The following MRPS6 variants were observed in gnomAD, a reference collection of about 807,000 sequenced individuals.
MRPS6 encodes mitochondrial ribosomal protein S6.
In MRPS6, 6 loss-of-function variants were observed where a neutral mutation model predicts 13.1. The ratio of observed to expected loss-of-function variants is 0.46; its 90% confidence interval spans 0.25 to 0.91. MRPS6 has a LOEUF of 0.91. MRPS6 is among the 40% of genes least tolerant of loss of function. MRPS6 has a pLI of 0.18. For synonymous variants in MRPS6, 61 were observed against 56.5 expected (o/e 1.08, Z -0.36); for missense variants, 164 against 155.6 (o/e 1.05, Z -0.29).
chr21:34,116,829 A>G (rs1436619063), intron 1 of MRPS6, among the ~76,000 whole-genome samples: 1 of 152,142 alleles, frequency 6.6e-6, no homozygotes, highest in East Asian at 1.9e-4. Context: ...AGGATGATCA[A>G]AGATCAGTTC....
intron 1 of MRPS6, among the ~76,000 whole-genome samples, chr21:34,114,487 G>A (rs900961605): frequency 2.6e-5 from 4 of 151,382 alleles, no homozygotes; most frequent in Non-Finnish European, 4.4e-5. Context: ...CACCTGGGGA[G>A]CTTTAAAAAA....
chr21:34,140,754 TTTAAGA>T lies in MRPS6; in HGVS notation c.186-1651_186-1646del, dbSNP rs148966044. ...AGCTCGGTTATCTGGTGCATGTATATTTAAGATTGTTACATCTTGGTGGACCCATTA... is the reference window on the plus strand; with the variant it reads ...AGCTCGGTTATCTGGTGCATGTATATTTGTTACATCTTGGTGGACCCATTA... On this transcript the variant is annotated intron_variant, in intron 2 of 2. Transcript: ENST00000399312. Among the ~76,000 whole-genome samples, 347 of 152,354 alleles carry T rather than the reference TTTAAGA, an allele frequency of 2.3e-3. 1 individual carries two copies. The highest frequency in any genetic ancestry group is 4.5e-3 in the Non-Finnish European group (303 of 68,028).
chr21:34,098,747 T>G, intron 1 of MRPS6: 1 of 1,000,212 alleles, frequency 1.0e-6, no homozygotes, highest in Non-Finnish European at 1.2e-6. Context: ...GGCACCCACT[T>G]GCAGCTAGTG....
intron 1 of MRPS6, chr21:34,098,734 C>T: frequency 9.0e-6 from 9 of 1,000,196 alleles, no homozygotes; most frequent in Non-Finnish European, 1.1e-5. Flanking sequence ...CTTGACATGG[C>T]TTGGCACCCA....
chr21:34,100,653 T>G (rs1979194887), intron 1 of MRPS6: 1 of 1,000,118 alleles, frequency 1.0e-6, no homozygotes, highest in South Asian at 4.7e-5. Context: ...AAACTTCACA[T>G]TTTAAGAACT....
intron 2 of MRPS6, 40 bp from the exon 3 acceptor site, chr21:34,142,368 A>C (rs766345496): frequency 6.5e-7 from 1 of 1,536,522 alleles, no homozygotes; most frequent in Admixed American, 2.1e-5. Context: ...AATTATTACA[A>C]TTCAAATGCA....
intron 1 of MRPS6, chr21:34,103,726 C>T (rs533827539): frequency 6.4e-5 from 64 of 999,790 alleles, no homozygotes; most frequent in Admixed American, 1.8e-4. Context: ...CAAGACAATG[C>T]GGTATCTAAA....
At chr21:34,132,466 T>C (rs1980538487) in intron 2 of MRPS6, among the ~76,000 whole-genome samples, 1 of 152,220 alleles carries the variant, frequency 6.6e-6, no homozygotes, top group African/African-American at 2.4e-5. Flanking sequence ...TCATGCCTGG[T>C]GGCAGGAAGT....
At chr21:34,108,547 A>T (rs560910291) in intron 1 of MRPS6, among the ~76,000 whole-genome samples, 2 of 152,212 alleles carry the variant, frequency 1.3e-5, no homozygotes, top group African/African-American at 4.8e-5. Flanking sequence ...AGATGCCTCC[A>T]GTTCTAAACC....
chr21:34,091,578 A>C (rs946761733), intron 1 of MRPS6, among the ~76,000 whole-genome samples: 1 of 152,168 alleles, frequency 6.6e-6, no homozygotes, highest in Non-Finnish European at 1.5e-5. Flanking sequence ...TATTTGGTCA[A>C]ATGCAGCAAA....
At chr21:34,116,567 G>A (rs577453381) in intron 1 of MRPS6, among the ~76,000 whole-genome samples, 3 of 150,096 alleles carry the variant, frequency 2.0e-5, no homozygotes, top group South Asian at 2.1e-4. Flanking sequence ...CATGGGTATG[G>A]TAGTTTGCTT....
intron 1 of MRPS6, chr21:34,102,065 C>A: frequency 2.0e-6 from 2 of 999,858 alleles, no homozygotes; most frequent in Non-Finnish European, 2.4e-6. Context: ...GGTAATCTTT[C>A]GATTGCTAGA....
intron 1 of MRPS6, chr21:34,097,535 C>A: frequency 7.2e-7 from 1 of 1,381,730 alleles, no homozygotes; most frequent in Non-Finnish European, 9.4e-7. Context: ...TAAAGTAAAT[C>A]TTCAACTTAA....
rs73899960 is a variant in MRPS6 at position 34,091,765 on chromosome 21, A to C, written c.45+18020A>C. On this transcript the variant is annotated intron_variant, in intron 1 of 2. Coordinates refer to ENST00000399312, the MANE Select transcript of MRPS6 (RefSeq NM_032476.4). The stretch of plus-strand genomic sequence containing the variant: ...AGGGGAATCTGCTCTGTTTCAAAGC[A>C]CCTTTGTGTTCAAGGTTTGGCTAAA... Among the ~76,000 whole-genome samples, 677 of 152,250 alleles carry C rather than the reference A, an allele frequency of 4.4e-3. 6 individuals carry two copies. The highest frequency in any genetic ancestry group is 0.015 in the African/African-American group (630 of 41,534).
intron 1 of MRPS6, among the ~76,000 whole-genome samples, chr21:34,112,647 A>C (rs191704344): frequency 6.6e-6 from 1 of 152,012 alleles, no homozygotes; most frequent in Non-Finnish European, 1.5e-5. Flanking sequence ...GTATTTGTCT[A>C]TTCTGGACAC....
At chr21:34,103,521 T>TA (rs1375332741) in intron 1 of MRPS6, 5 of 999,794 alleles carry the variant, frequency 5.0e-6, no homozygotes, top group Non-Finnish European at 6.0e-6. Context: ...CGAGAACAGG[T>TA]ACGTGACAAC....
intron 1 of MRPS6, among the ~76,000 whole-genome samples, chr21:34,114,025 A>G (rs1397400940): frequency 6.6e-6 from 1 of 152,112 alleles, no homozygotes; most frequent in Non-Finnish European, 1.5e-5. Flanking sequence ...TGCTCCCACT[A>G]TCCATTTCAC....
Position 34,142,759 on chromosome 21 carries a change from C to A in MRPS6, c.*159C>A. On this transcript the variant is annotated 3_prime_UTR_variant, in exon 3 of 3. Coordinates refer to ENST00000399312, the MANE Select transcript of MRPS6 (RefSeq NM_032476.4). The stretch of plus-strand genomic sequence containing the variant: ...TTTAGCCCTTGATCCCCTTTGCTTG[C>A]GAGAGGTGGGGAACTGCTCACTGAC... 1.2e-6 allele frequency: 1 copy of A among 801,600 alleles called. No individual in the cohort carries two copies. Among genetic ancestry groups the A allele is most frequent in the Non-Finnish European group, 1.8e-6 (1 of 557,824 alleles). 49.7% of individuals were successfully genotyped at this position (801,600 alleles called of 1,614,324 possible).
chr21:34,142,118 C>A (rs1980927449), intron 2 of MRPS6, among the ~76,000 whole-genome samples: 1 of 152,208 alleles, frequency 6.6e-6, no homozygotes, highest in Non-Finnish European at 1.5e-5. Flanking sequence ...GTACTTCACA[C>A]CATCTGTAAT....
Sources: gnomAD v4.1 joint callset for allele counts (sites outside exome capture counted in the v4.1 genomes callset) on GRCh38, gnomAD v4.1.1 for gene constraint, MANE v1.5 for transcripts, NCBI Gene and HGNC (gene_info 2026-07-23, HGNC 2026-07-21) for gene names.